The following AK5 variants were observed in gnomAD, a reference collection of about 807,000 sequenced individuals.
AK5 encodes adenylate kinase 5, also known as adenylate kinase isoenzyme 5.
Under a neutral mutation model 69.5 loss-of-function variants are expected in AK5, and 27 were observed. The ratio of observed to expected loss-of-function variants is 0.39; its 90% CI spans 0.29 to 0.54. The LOEUF (loss-of-function observed/expected upper bound fraction) is 0.54. Ranked by LOEUF, AK5 falls within the 20% of genes least tolerant of loss-of-function variation. The probability of loss-of-function intolerance (pLI) is 0.71; values close to 1 mark genes in which losing one functional copy is unlikely to be tolerated. For missense variants in AK5, 531 were observed against 700.4 expected, an observed-to-expected ratio of 0.76 and a Z score of 2.73; for synonymous variants, 260 against 244.4, an observed-to-expected ratio of 1.06 and a Z score of -0.60.
chr1:77,546,131 G>A (rs1175750952), intron 13 of AK5, among the ~76,000 whole-genome samples: 11 of 152,134 alleles, frequency 7.2e-5, no homozygotes, highest in Non-Finnish European at 1.5e-5. Context: ...CTTGCTGCGT[G>A]TGTGTCTCCT....
intron 10 of AK5, among the ~76,000 whole-genome samples, chr1:77,504,819 C>A (rs146138787): frequency 0.018 from 2,766 of 152,312 alleles, 37 homozygotes; most frequent in Non-Finnish European, 0.025. Context: ...ATATTATTTT[C>A]TAGCTGTCTT....
intron 10 of AK5, among the ~76,000 whole-genome samples, chr1:77,489,557 G>C (rs1655843290): frequency 6.6e-6 from 1 of 152,142 alleles, no homozygotes; most frequent in African/African-American, 2.4e-5. Context: ...TAGCTGTTTT[G>C]ATGAGTTCAC....
At chr1:77,479,354 C>T (rs192293052) in intron 8 of AK5, among the ~76,000 whole-genome samples, 199 of 152,020 alleles carry the variant, frequency 1.3e-3, no homozygotes, top group African/African-American at 4.5e-3. Flanking sequence ...TACAGGCATG[C>T]GCCACTATGC....
chr1:77,338,445 T>C (rs1417554193), intron 5 of AK5, among the ~76,000 whole-genome samples: 2 of 152,212 alleles, frequency 1.3e-5, no homozygotes, highest in African/African-American at 4.8e-5. Context: ...GTTGCTGAGA[T>C]TAATTTTTGG....
At chr1:77,337,673 C>G (rs748728101) in intron 5 of AK5, among the ~76,000 whole-genome samples, 3 of 152,156 alleles carry the variant, frequency 2.0e-5, no homozygotes. Context: ...AAGTGATTCT[C>G]TAATTTTTTA....
chr1:77,448,397 G>C (rs892689885), intron 8 of AK5, among the ~76,000 whole-genome samples: 4 of 152,146 alleles, frequency 2.6e-5, no homozygotes, highest in Non-Finnish European at 4.4e-5. Context: ...ACCCACTCTG[G>C]GTCTCCTCTC....
intron 6 of AK5, among the ~76,000 whole-genome samples, chr1:77,374,496 T>G (rs1245526538): frequency 6.6e-6 from 1 of 151,862 alleles, no homozygotes; most frequent in Non-Finnish European, 1.5e-5. Flanking sequence ...CAAATATGTT[T>G]TATATTCCTG....
chr1:77,499,345 C>T (rs775855917), intron 10 of AK5, among the ~76,000 whole-genome samples: 2 of 152,144 alleles, frequency 1.3e-5, no homozygotes, highest in Non-Finnish European at 2.9e-5. Flanking sequence ...GTTACTGCGA[C>T]TCAGGTGATA....
At chr1:77,292,015 C>T (rs1019190736) in intron 2 of AK5, among the ~76,000 whole-genome samples, 2 of 152,112 alleles carry the variant, frequency 1.3e-5, no homozygotes, top group African/African-American at 4.8e-5. Context: ...ATTGTGGTGG[C>T]AAGCATGGAA....
chr1:77,423,826 G>C (rs1460987933), intron 8 of AK5, among the ~76,000 whole-genome samples: 1 of 140,558 alleles, frequency 7.1e-6, no homozygotes, highest in Non-Finnish European at 1.5e-5. Context: ...GGCCGTGGGA[G>C]GAGAAAAAAA....
At chr1:77,538,174 C>G (rs1431968160) in intron 13 of AK5, among the ~76,000 whole-genome samples, 6 of 151,790 alleles carry the variant, frequency 4.0e-5, no homozygotes, top group Non-Finnish European at 8.8e-5. Context: ...CCCTGTCTCT[C>G]CAAAAAATGC....
At chr1:77,310,413 T>TCAGTAGC (rs1659879411) in intron 5 of AK5, among the ~76,000 whole-genome samples, 1 of 152,114 alleles carries the variant, frequency 6.6e-6, no homozygotes, top group Admixed American at 6.5e-5. Context: ...AGAGTCTTAC[T>TCAGTAGC]CAGTAGCCCA....
intron 8 of AK5, among the ~76,000 whole-genome samples, chr1:77,456,864 G>T (rs74092651): frequency 0.045 from 6,832 of 150,438 alleles, 394 homozygotes; most frequent in East Asian, 0.19. Context: ...GGGGTCTGTT[G>T]TCTTCCTCTC....
chr1:77,368,232 TATA>T (rs1450205024), intron 6 of AK5, among the ~76,000 whole-genome samples: 1 of 26,914 alleles, frequency 3.7e-5, no homozygotes, highest in African/African-American at 8.9e-5. Flanking sequence ...TATATATATA[TATA>T]TATATATATA....
At chr1:77,432,864 G>A (rs529949429) in intron 8 of AK5, among the ~76,000 whole-genome samples, 2 of 152,312 alleles carry the variant, frequency 1.3e-5, no homozygotes, top group African/African-American at 2.4e-5. Flanking sequence ...AAAAAGGTAA[G>A]CATAAGAAAG....
At chr1:77,444,713 T>C (rs922453727) in intron 8 of AK5, among the ~76,000 whole-genome samples, 1 of 141,470 alleles carries the variant, frequency 7.1e-6, no homozygotes, top group African/African-American at 2.6e-5. Flanking sequence ...ATATATTGTA[T>C]AAATATATAC....
intron 6 of AK5, among the ~76,000 whole-genome samples, chr1:77,387,972 A>T (rs891888203): frequency 1.3e-5 from 2 of 152,220 alleles, no homozygotes; most frequent in African/African-American, 4.8e-5. Flanking sequence ...TGCTAAAACC[A>T]CCACCTGGAT....
At position 77,283,094 on chromosome 1, in the gene AK5, A is replaced by C. The variant is rs983620358; in HGVS notation, c.60+721A>C. 3 of 985,640 alleles carry C rather than the reference A, an allele frequency of 3.0e-6. No homozygotes were observed. In the African/African-American group the frequency reaches 5.2e-5, roughly 17 times the overall value. 61.1% of individuals were successfully genotyped at this position (985,640 alleles called of 1,614,324 possible). On this transcript the variant is annotated intron_variant, in intron 1 of 13. Coordinates refer to ENST00000354567, the MANE Select transcript of AK5 (RefSeq NM_174858.3). ...GGCGGACTCCTGTTGCTCAGTCTTC[A>C]GACCGCAGCACAGCATCATCTGCAC...
At chr1:77,500,879 T>TG (rs1656678594) in intron 10 of AK5, among the ~76,000 whole-genome samples, 2 of 142,186 alleles carry the variant, frequency 1.4e-5, no homozygotes, top group Non-Finnish European at 3.1e-5. Flanking sequence ...TGTTTTGTTT[T>TG]TTTTTATGTT....
Sources: allele counts gnomAD v4.1 joint callset (sites outside exome capture counted in the v4.1 genomes callset), GRCh38; gene constraint gnomAD v4.1.1; transcripts MANE v1.5; gene names NCBI Gene and HGNC (gene_info 2026-07-23, HGNC 2026-07-21).